Variants in PIEZO2 observed in about 807,000 individuals in gnomAD.
PIEZO2 encodes piezo-type mechanosensitive ion channel component 2.
Under a neutral mutation model 337.3 loss-of-function variants are expected in PIEZO2, and 172 were observed. That is an observed-to-expected ratio of 0.51 (90% CI 0.45 to 0.58). PIEZO2 has a LOEUF of 0.58. Ranked by LOEUF, PIEZO2 falls within the 20% of genes least tolerant of loss-of-function variation. The pLI is 0.00. For missense variants in PIEZO2, 3,028 were observed against 3,391.3 expected, an observed-to-expected ratio of 0.89 and a Z score of 2.66; for synonymous variants, 1,251 against 1,228.5, an observed-to-expected ratio of 1.02 and a Z score of -0.38.
intron 1 of PIEZO2, among the ~76,000 whole-genome samples, chr18:11,077,000 C>G (rs2038570126): frequency 6.6e-6 from 1 of 152,182 alleles, no homozygotes; most frequent in South Asian, 2.1e-4. Flanking sequence ...TCTGATCTGA[C>G]AGAATAGCAC....
rs566035660 is a variant in PIEZO2 at position 10,845,107 on chromosome 18, A to T, written c.917+10246T>A. On this transcript the variant is annotated intron_variant, in intron 7 of 55. Coordinates refer to ENST00000674853, the MANE Select transcript of PIEZO2 (RefSeq NM_001378183.1). ...TACCTCTTTATAGTTCTTAATACAT[A>T]CCAGACACCATTTTACAAATATTAA... 2.8e-4 allele frequency among the ~76,000 whole-genome samples: 43 copies of T among 152,236 alleles called. No individual in the cohort carries two copies. In the South Asian group the frequency reaches 8.7e-3, roughly 31 times the overall value.
At chr18:10,757,355 G>A (rs1330175401) in intron 27 of PIEZO2, among the ~76,000 whole-genome samples, 1 of 149,180 alleles carries the variant, frequency 6.7e-6, no homozygotes, top group Non-Finnish European at 1.5e-5. Flanking sequence ...GGAATGGAGG[G>A]TGATGAGGAG....
chr18:11,025,922 G>T (rs867895244), intron 2 of PIEZO2, among the ~76,000 whole-genome samples: 1 of 152,140 alleles, frequency 6.6e-6, no homozygotes, highest in Non-Finnish European at 1.5e-5. Context: ...GGTTCCGCTG[G>T]GGGCAGCAGC....
chr18:10,765,059 T>A (rs1036170986), intron 21 of PIEZO2, among the ~76,000 whole-genome samples: 56 of 152,348 alleles, frequency 3.7e-4, no homozygotes, highest in African/African-American at 1.2e-3. Context: ...GAAAGGGAAG[T>A]AAAGGTGGTA....
chr18:10,739,766 T>C (rs1352551127), intron 33 of PIEZO2: 5 of 152,244 alleles, frequency 3.3e-5, no homozygotes, highest in Non-Finnish European at 5.9e-5. Context: ...TCTAATCTTG[T>C]GTTTTTCTTT....
At chr18:10,697,610 G>A in intron 45 of PIEZO2, 138 bp downstream of exon 45, 1 of 1,129,234 alleles carries the variant, frequency 8.9e-7, no homozygotes, top group East Asian at 2.5e-5. Context: ...ACAAAAAGGG[G>A]TAATTTCATT....
Position 10,861,650 on chromosome 18 carries a change from A to G in PIEZO2, c.493-4439T>C, listed in dbSNP as rs1471399152. 6.6e-6 allele frequency among the ~76,000 whole-genome samples: 1 copy of G among 152,220 alleles called. No individual in the cohort carries two copies. Among genetic ancestry groups the G allele is most frequent in the Admixed American group, 6.5e-5 (1 of 15,284 alleles). On this transcript the variant is annotated intron_variant, in intron 5 of 55. Coordinates refer to ENST00000674853, the MANE Select transcript of PIEZO2 (RefSeq NM_001378183.1). The surrounding 1 kb of genome is among the most constrained non-coding windows in gnomAD (Gnocchi z 4.3). Reference sequence around the variant, plus strand: ...GCAGATGCTGATCAAGGGGTACAAAATTTCACTTAGACATGAAGAATGATT... The same window carrying G: ...GCAGATGCTGATCAAGGGGTACAAAGTTTCACTTAGACATGAAGAATGATT...
Position 11,099,984 on chromosome 18 carries a change from T to C in PIEZO2, c.65-33762A>G, listed in dbSNP as rs2039364610. On this transcript the variant is annotated intron_variant, in intron 1 of 55. Transcript: ENST00000674853. This position sits in a 1 kb window ranked among gnomAD's most constrained non-coding sequence, Gnocchi z 5.4. The stretch of plus-strand genomic sequence containing the variant: ...TCTCCTAGTATGTCATTTGTCTTCA[T>C]AGTTTGTTTATAGTCTTTTGTCATA... Among the ~76,000 whole-genome samples, 1 of 152,224 alleles carries C rather than the reference T, an allele frequency of 6.6e-6. No homozygotes were observed. Among genetic ancestry groups the C allele is most frequent in the Admixed American group, 6.5e-5 (1 of 15,288 alleles).
chr18:10,977,461 A>C (rs2034487432), intron 3 of PIEZO2, among the ~76,000 whole-genome samples: 2 of 152,130 alleles, frequency 1.3e-5, no homozygotes, highest in Admixed American at 1.3e-4. Flanking sequence ...TGGTCCTGAG[A>C]GTACCTTATT....
At position 10,988,697 on chromosome 18, in the gene PIEZO2, A is replaced by G. The variant is rs1172617170; in HGVS notation, c.161-9037T>C. Among the ~76,000 whole-genome samples, 1 of 152,204 alleles carries G rather than the reference A, an allele frequency of 6.6e-6. No individual in the cohort carries two copies. Among genetic ancestry groups the G allele is most frequent in the African/African-American group, 2.4e-5 (1 of 41,464 alleles). ...AACATCCTAAATGTCCACTGAAGGA[A>G]TATTGGATAAGGAAATTGTGGCATA... On this transcript the variant is annotated intron_variant, in intron 2 of 55. Coordinates refer to ENST00000674853, the MANE Select transcript of PIEZO2 (RefSeq NM_001378183.1). This position sits in a 1 kb window ranked among gnomAD's most constrained non-coding sequence, Gnocchi z 4.8.
chr18:11,106,003 C>A (rs1185250888), intron 1 of PIEZO2, among the ~76,000 whole-genome samples: 1 of 152,128 alleles, frequency 6.6e-6, no homozygotes, highest in Non-Finnish European at 1.5e-5. Context: ...TGAACAAATT[C>A]TTAAAATTTA....
chr18:11,086,476 G>A (rs1032023301), intron 1 of PIEZO2, among the ~76,000 whole-genome samples: 9 of 149,670 alleles, frequency 6.0e-5, no homozygotes, highest in Non-Finnish European at 8.9e-5. Flanking sequence ...CCGAGATCCC[G>A]CCACTGCACT....
Position 10,878,192 on chromosome 18 carries a change from T to A in PIEZO2, c.330-6777A>T, listed in dbSNP as rs926511435. 6.6e-6 allele frequency among the ~76,000 whole-genome samples: 1 copy of A among 152,216 alleles called. No homozygotes were observed. Among genetic ancestry groups the A allele is most frequent in the South Asian group, 2.1e-4 (1 of 4,830 alleles). ...CCCTTGCCTGTTTCATCTGTTTCCC[T>A]GGGGACCAGCATGGTAGATGGTGCA... On this transcript the variant is annotated intron_variant, in intron 4 of 55. Coordinates refer to ENST00000674853, the MANE Select transcript of PIEZO2 (RefSeq NM_001378183.1). This position sits in a 1 kb window ranked among gnomAD's most constrained non-coding sequence, Gnocchi z 4.3.
At chr18:10,921,808 G>GGC (rs2031428382) in intron 3 of PIEZO2, among the ~76,000 whole-genome samples, 1 of 152,082 alleles carries the variant, frequency 6.6e-6, no homozygotes, top group Admixed American at 6.5e-5. Flanking sequence ...GAGAATACTC[G>GGC]CCTGAGGGTG....
intron 12 of PIEZO2, among the ~76,000 whole-genome samples, chr18:10,796,046 T>C (rs1017957351): frequency 2.0e-5 from 3 of 151,978 alleles, no homozygotes; most frequent in Non-Finnish European, 2.9e-5. Context: ...GAACCACGGT[T>C]GCTTGATGCT....
intron 7 of PIEZO2, among the ~76,000 whole-genome samples, chr18:10,814,168 A>G (rs1050981097): frequency 1.3e-5 from 2 of 151,874 alleles, no homozygotes; most frequent in Admixed American, 6.6e-5. Flanking sequence ...ACAGGGTTTC[A>G]CTGTGTTAGC....
chr18:10,763,700 C>T (rs1389801582), intron 21 of PIEZO2, among the ~76,000 whole-genome samples: 1 of 152,140 alleles, frequency 6.6e-6, no homozygotes, highest in Non-Finnish European at 1.5e-5. Context: ...TGTGGAAGGG[C>T]ATTACACTGG....
chr18:10,791,549 G>A, intron 13 of PIEZO2: 1 of 344,576 alleles, frequency 2.9e-6, no homozygotes, highest in East Asian at 7.2e-5. Flanking sequence ...GAAGCACCAC[G>A]CAAGTCCTGA....
At position 10,980,369 on chromosome 18, in the gene PIEZO2, A is replaced by G. The variant is rs375394428; in HGVS notation, c.161-709T>C. Among the ~76,000 whole-genome samples, 20 of 152,240 alleles carry G rather than the reference A, an allele frequency of 1.3e-4. No homozygotes were observed. The highest frequency in any genetic ancestry group is 4.8e-4 in the African/African-American group (20 of 41,546). On this transcript the variant is annotated intron_variant, in intron 2 of 55. Transcript: ENST00000674853. The surrounding 1 kb of genome is among the most constrained non-coding windows in gnomAD (Gnocchi z 4.8). ...ATTTTTAAAAACATAAAAAAAAAGG[A>G]ATGGAAGGAAACATCCTTAAAGGAT...
Sources: allele counts gnomAD v4.1 joint callset (sites outside exome capture counted in the v4.1 genomes callset), GRCh38; gene constraint gnomAD v4.1.1; non-coding constraint Gnocchi (gnomAD v3.1); transcripts MANE v1.5; gene names NCBI Gene and HGNC (gene_info 2026-07-23, HGNC 2026-07-21).